FOXO3B: variants seen among roughly 807,000 people sequenced by gnomAD.
FOXO3B encodes the protein forkhead box protein O3B.
FOXO3B carries 15 observed loss-of-function variants against 21.9 expected under a neutral mutation model. The observed-to-expected ratio is 0.68, with a 90% confidence interval of 0.46 to 1.05. The LOEUF (loss-of-function observed/expected upper bound fraction) is 1.05. Among genes scored for constraint, FOXO3B ranks in the 50% least tolerant of loss-of-function variants. The pLI is 0.00. For missense variants in FOXO3B, 293 were observed against 435.5 expected, an observed-to-expected ratio of 0.67 and a Z score of 2.91; for synonymous variants, 135 against 213.6, an observed-to-expected ratio of 0.63 and a Z score of 3.21.
At position 18,672,990 on chromosome 17, in the gene FOXO3B, C is replaced by T. The variant is rs1167801090; in HGVS notation, c.192G>A (p.Leu64=). ...SLRGVHVPPP[L]HPAPAREESA... ...TCTCCTCTCGCGCCGGGGCGGGGTG[C>T]AGCGGGGGAGGGACGTGGACGCCGC... The change falls in exon 4 of 4, where the codon CTG becomes CTA. Residue 64 remains leucine, a synonymous_variant. Coordinates refer to ENST00000395675, the MANE Select transcript of FOXO3B (RefSeq NM_001368135.1). The surrounding 1 kb of genome is among the most constrained non-coding windows in gnomAD (Gnocchi z 4.2). 2.7e-6 allele frequency: 4 copies of T among 1,475,242 alleles called. No individual in the cohort carries two copies. The highest frequency in any genetic ancestry group is 2.7e-6 in the Non-Finnish European group (3 of 1,119,594). The allele number at this position is 1,475,242 out of a possible 1,614,324, so 91.4% of individuals were successfully genotyped here. A position where few individuals can be genotyped will look rare whatever the true frequency, so the allele number is the denominator to read the frequency against.
chr17:18,678,174 G>A (rs2151736928), intron 3 of FOXO3B, among the ~76,000 whole-genome samples: 1 of 152,110 alleles, frequency 6.6e-6, no homozygotes, highest in East Asian at 1.9e-4. Context: ...TAAAGCACAG[G>A]AAACAGAATT....
At chr17:18,673,189 T>C in intron 3 of FOXO3B, 134 bp from the exon 4 acceptor site, 1 of 1,222,768 alleles carries the variant, frequency 8.2e-7, no homozygotes, top group Non-Finnish European at 1.0e-6. Flanking sequence ...GAGACCATAC[T>C]TCTTAATAAC....
At position 18,670,605 on chromosome 17, in the gene FOXO3B, G is replaced by A. The variant is rs556489765; in HGVS notation, c.*1704C>T. ...AGAGGGCTCACGGTGTGCTCTGAAC[G>A]AGGGTGGGTGGTGCTGAGGGGTGCT... On this transcript the variant is annotated 3_prime_UTR_variant, in exon 4 of 4. Transcript: ENST00000395675. Among the ~76,000 whole-genome samples, 50 of 152,212 alleles carry A rather than the reference G, an allele frequency of 3.3e-4. No individual in the cohort carries two copies. The highest frequency in any genetic ancestry group is 6.8e-4 in the Non-Finnish European group (46 of 68,042).
At chr17:18,674,886 C>T (rs1480311903) in intron 3 of FOXO3B, among the ~76,000 whole-genome samples, 4 of 152,178 alleles carry the variant, frequency 2.6e-5, no homozygotes, top group Non-Finnish European at 4.4e-5. Flanking sequence ...TAATTATTTA[C>T]TGTCTAGCCA....
rs2032393087 is a variant in FOXO3B, at chr17:18,672,610, T to G, written c.572A>C (p.Gln191Pro). Residue 191 changes from glutamine to proline, a missense_variant, in exon 4 of 4, where the codon CAA becomes CCA. This residue lies in a region of FOXO3B where 251 missense variants were observed against 404.0 expected (regional missense o/e 0.62). Transcript: ENST00000395675. The surrounding 1 kb of genome is among the most constrained non-coding windows in gnomAD (Gnocchi z 4.2). ...GGTGGCTGGCCCAGACCCGGGGTCT[T>G]GCCCTCCGGGTGCCAGCACCCGGAC... ...DSVRVLAPGGQDPGSGPATAA... is the reference protein window; with the variant it reads ...DSVRVLAPGGPDPGSGPATAA... 7.0e-7 allele frequency: 1 copy of G among 1,437,894 alleles called. No homozygotes were observed. Among genetic ancestry groups the G allele is most frequent in the African/African-American group, 1.6e-5 (1 of 61,164 alleles). 89.1% of individuals were successfully genotyped at this position (1,437,894 alleles called of 1,614,324 possible).
chr17:18,671,963 C>A lies in FOXO3B; in HGVS notation c.*346G>T. The A allele has an allele frequency of 6.2e-7, 1 of 1,613,430 alleles. No homozygotes were observed. The highest frequency in any genetic ancestry group is 1.7e-5 in the Admixed American group (1 of 59,960). ...CTTGCCATGATGGGCGACAGGCGGC[C>A]ACTGACTGTGCTGGCGTTAGAATTG... On this transcript the variant is annotated 3_prime_UTR_variant, in exon 4 of 4. Transcript: ENST00000395675.
At chr17:18,680,014 T>C (rs1436717259) in intron 3 of FOXO3B, among the ~76,000 whole-genome samples, 1 of 152,096 alleles carries the variant, frequency 6.6e-6, no homozygotes, top group East Asian at 1.9e-4. Flanking sequence ...TAATTTTTTG[T>C]GTTTTTAGTA....
chr17:18,677,686 A>T (rs2032516920), intron 3 of FOXO3B: 5 of 1,604,860 alleles, frequency 3.1e-6, no homozygotes, highest in Non-Finnish European at 3.4e-6. Context: ...GCCAAGAAGC[A>T]TGCTGGCGAG....
At chr17:18,681,015 G>A (rs1389780010) in intron 2 of FOXO3B, among the ~76,000 whole-genome samples, 186 bp from the exon 3 acceptor site, 1 of 151,898 alleles carries the variant, frequency 6.6e-6, no homozygotes, top group Non-Finnish European at 1.5e-5. Flanking sequence ...GCTACTCTGG[G>A]CTCGAATTCA....
intron 3 of FOXO3B, among the ~76,000 whole-genome samples, chr17:18,678,602 T>C (rs1456908637): frequency 6.6e-6 from 1 of 152,132 alleles, no homozygotes; most frequent in African/African-American, 2.4e-5. Flanking sequence ...CAATATTGCA[T>C]TTTAAAAATC....
At chr17:18,677,665 A>T in intron 3 of FOXO3B, 3 of 1,607,188 alleles carry the variant, frequency 1.9e-6, no homozygotes, top group Non-Finnish European at 2.5e-6. Flanking sequence ...GGAGGGGCTG[A>T]GGGTCCCATG....
In FOXO3B at chr17:18,671,964, A is replaced by G; in HGVS notation, c.*345T>C. 2.5e-6 allele frequency: 4 copies of G among 1,613,420 alleles called. No individual in the cohort carries two copies. Among genetic ancestry groups the G allele is most frequent in the Non-Finnish European group, 3.4e-6 (4 of 1,179,730 alleles). On this transcript the variant is annotated 3_prime_UTR_variant, in exon 4 of 4. Coordinates refer to ENST00000395675, the MANE Select transcript of FOXO3B (RefSeq NM_001368135.1). The stretch of plus-strand genomic sequence containing the variant: ...TTGCCATGATGGGCGACAGGCGGCC[A>G]CTGACTGTGCTGGCGTTAGAATTGG...
In FOXO3B at chr17:18,671,927, C is replaced by A. The variant is rs2032374240; in HGVS notation, c.*382G>T. 8 of 1,613,516 alleles carry A rather than the reference C, an allele frequency of 5.0e-6. No individual in the cohort carries two copies. Among genetic ancestry groups the A allele is most frequent in the Non-Finnish European group, 5.9e-6 (7 of 1,179,792 alleles). On this transcript the variant is annotated 3_prime_UTR_variant, in exon 4 of 4. Coordinates refer to ENST00000395675, the MANE Select transcript of FOXO3B (RefSeq NM_001368135.1). Reference sequence around the variant, plus strand: ...GGCGCATCGTCGTCCTGGACTTCATCCAACTCTGTGCTTGCCATGATGGGC... The same window carrying A: ...GGCGCATCGTCGTCCTGGACTTCATACAACTCTGTGCTTGCCATGATGGGC...
intron 3 of FOXO3B, among the ~76,000 whole-genome samples, chr17:18,679,298 G>A (rs1198895293): frequency 6.6e-6 from 1 of 152,082 alleles, no homozygotes; most frequent in Non-Finnish European, 1.5e-5. Context: ...AGACAGGCAA[G>A]TACATAAAGG....
intron 3 of FOXO3B, 56 bp from the exon 4 acceptor site, chr17:18,673,111 C>G: frequency 9.7e-6 from 14 of 1,445,306 alleles, no homozygotes; most frequent in South Asian, 2.6e-5. Context: ...GCCGGAGCCC[C>G]GTCCTCGGCG....
In FOXO3B at chr17:18,670,542, T is replaced by C. The variant is rs1480648916; in HGVS notation, c.*1767A>G. On this transcript the variant is annotated 3_prime_UTR_variant, in exon 4 of 4. Transcript: ENST00000395675. ...CAAGAACAACACTTAAAACATCCCATAAACCATCGCAATATTAAAACACCA... is the reference window on the plus strand; with the variant it reads ...CAAGAACAACACTTAAAACATCCCACAAACCATCGCAATATTAAAACACCA... Among the ~76,000 whole-genome samples, 1 of 152,184 alleles carries C rather than the reference T, an allele frequency of 6.6e-6. No homozygotes were observed. The highest frequency in any genetic ancestry group is 1.5e-5 in the Non-Finnish European group (1 of 68,042).
Position 18,671,532 on chromosome 17 carries a change from T to C in FOXO3B, c.*777A>G, listed in dbSNP as rs531195318. 9 of 1,598,008 alleles carry C rather than the reference T, an allele frequency of 5.6e-6. No homozygotes were observed. The highest frequency in any genetic ancestry group is 5.4e-5 in the African/African-American group (4 of 74,004). On this transcript the variant is annotated 3_prime_UTR_variant, in exon 4 of 4. Coordinates refer to ENST00000395675, the MANE Select transcript of FOXO3B (RefSeq NM_001368135.1). The stretch of plus-strand genomic sequence containing the variant: ...CAGGTCCTGGAGTGTCTGGTTACCA[T>C]AGTGTGACATGGAAGAGAAGGTAGC...
At chr17:18,675,595 T>G (rs982607988) in intron 3 of FOXO3B, among the ~76,000 whole-genome samples, 2 of 152,094 alleles carry the variant, frequency 1.3e-5, no homozygotes, top group Non-Finnish European at 2.9e-5. Flanking sequence ...CTATATATAA[T>G]ACTAAGTATA....
chr17:18,671,631 C>A lies in FOXO3B; in HGVS notation c.*678G>T, dbSNP rs2032365226. On this transcript the variant is annotated 3_prime_UTR_variant, in exon 4 of 4. Coordinates refer to ENST00000395675, the MANE Select transcript of FOXO3B (RefSeq NM_001368135.1). The stretch of plus-strand genomic sequence containing the variant: ...CAGAGATGAAGGTCCAAACACCGTG[C>A]TGTTAAAGGAGCTGGTTGGGGAGCT... The A allele has an allele frequency of 1.9e-6, 3 of 1,613,800 alleles. No individual in the cohort carries two copies. Among genetic ancestry groups the A allele is most frequent in the Non-Finnish European group, 2.5e-6 (3 of 1,180,036 alleles).
Sources: allele counts gnomAD v4.1 joint callset (sites outside exome capture counted in the v4.1 genomes callset), GRCh38; gene constraint gnomAD v4.1.1; regional missense constraint gnomAD v4.1.1; non-coding constraint Gnocchi (gnomAD v3.1); transcripts MANE v1.5; gene names NCBI Gene and HGNC (gene_info 2026-07-23, HGNC 2026-07-21).